The following FOXD1 variants were observed in gnomAD, a reference collection of about 807,000 sequenced individuals.
FOXD1 encodes forkhead box D1.
FOXD1 carries 4 observed loss-of-function variants against 2.0 expected under a neutral mutation model. The ratio of observed to expected loss-of-function variants is 2.03; its 90% confidence interval spans 1.00 to 4.64. The LOEUF (loss-of-function observed/expected upper bound fraction) is 4.64, where lower values mean the gene tolerates loss of function less well. Among genes scored for constraint, FOXD1 ranks in the 30% most tolerant of loss-of-function variants. FOXD1 has a pLI of 0.01. For synonymous variants in FOXD1, 354 were observed against 328.5 expected (o/e 1.08, Z -0.84); for missense variants, 586 against 647.6 (o/e 0.90, Z 1.03).
At position 73,448,428 on chromosome 5, in the gene FOXD1, C is replaced by T. The variant is rs1424689595; in HGVS notation, c.-66G>A. On this transcript the variant is annotated 5_prime_UTR_variant, in exon 1 of 1. Coordinates refer to ENST00000615637, the MANE Select transcript of FOXD1 (RefSeq NM_004472.3). ...CGGGCTCCGGGCTCCCTCTGCGCCCCAGCCCGGGTCCCGGGCGGCAGGCCC... is the reference window on the plus strand; with the variant it reads ...CGGGCTCCGGGCTCCCTCTGCGCCCTAGCCCGGGTCCCGGGCGGCAGGCCC... The T allele has an allele frequency of 2.9e-6, 3 of 1,029,752 alleles. No homozygotes were observed. The highest frequency in any genetic ancestry group is 3.5e-6 in the Non-Finnish European group (3 of 846,802). 63.8% of individuals were successfully genotyped at this position (1,029,752 alleles called of 1,614,324 possible).
chr5:73,447,108 C>A lies in FOXD1; in HGVS notation c.1255G>T (p.Ala419Ser). 7.6e-7 allele frequency: 1 copy of A among 1,320,466 alleles called. No homozygotes were observed. Among genetic ancestry groups the A allele is most frequent in the Non-Finnish European group, 9.7e-7 (1 of 1,035,406 alleles). 81.8% of individuals were successfully genotyped at this position (1,320,466 alleles called of 1,614,324 possible). A position where few individuals can be genotyped will look rare whatever the true frequency, so the allele number is the denominator to read the frequency against. ...GCAAQAAVGP[A>S]AALTRSLVAA... The stretch of plus-strand genomic sequence containing the variant: ...ACGAGGGATCGGGTGAGCGCGGCCG[C>A]CGGGCCCACGGCCGCCTGCGCCGCG... Residue 419 changes from alanine to serine, a missense_variant, in exon 1 of 1, where the codon GCG becomes TCG. Ala to Ser is a moderately conservative substitution (Grantham distance 99). Around this residue, in one of 4 missense-constraint regions of FOXD1, gnomAD observed 46 missense variants for 78.6 expected, o/e 0.58. Coordinates refer to ENST00000615637, the MANE Select transcript of FOXD1 (RefSeq NM_004472.3). This position sits in a 1 kb window ranked among gnomAD's most constrained non-coding sequence, Gnocchi z 7.8.
At position 73,447,421 on chromosome 5, in the gene FOXD1, T is replaced by C. The variant is rs1745523904; in HGVS notation, c.942A>G (p.Pro314=). The C allele has an allele frequency of 1.0e-6, 1 of 976,650 alleles. No individual in the cohort carries two copies. Among genetic ancestry groups the C allele is most frequent in the South Asian group, 4.6e-5 (1 of 21,876 alleles). 60.5% of individuals were successfully genotyped at this position (976,650 alleles called of 1,614,324 possible). ...FHPHSPPPPP[P]PHGAAAELAR... ...CCAGCTCGGCGGCCGCGCCGTGCGG[T>C]GGCGGGGGCGGCGGGGGCGAGTGCG... is the stretch of plus-strand genomic sequence containing the variant. Residue 314 remains proline, a synonymous_variant, in exon 1 of 1, where the codon CCA becomes CCG. Coordinates refer to ENST00000615637, the MANE Select transcript of FOXD1 (RefSeq NM_004472.3). This position sits in a 1 kb window ranked among gnomAD's most constrained non-coding sequence, Gnocchi z 7.8.
rs1366694440 is a variant in FOXD1 at position 73,446,673 on chromosome 5, T to C, written c.*292A>G. The C allele has an allele frequency of 2.8e-6, 1 of 354,482 alleles. No homozygotes were observed. Among genetic ancestry groups the C allele is most frequent in the African/African-American group, 2.2e-5 (1 of 45,260 alleles). The allele number at this position is 354,482 out of a possible 1,614,324, so 22.0% of individuals were successfully genotyped here. On this transcript the variant is annotated 3_prime_UTR_variant, in exon 1 of 1. Coordinates refer to ENST00000615637, the MANE Select transcript of FOXD1 (RefSeq NM_004472.3). The stretch of plus-strand genomic sequence containing the variant: ...ATCTGCCAAACGTCAAGGGAGCCTC[T>C]AGTGCCTGGACAGGGCGGACTCCCT...
Position 73,447,410 on chromosome 5 carries a change from G to C in FOXD1, c.953C>G (p.Ala318Gly). 1 of 982,888 alleles carries C rather than the reference G, an allele frequency of 1.0e-6. No individual in the cohort carries two copies. Among genetic ancestry groups the C allele is most frequent in the South Asian group, 4.5e-5 (1 of 22,126 alleles). The allele number at this position is 982,888 out of a possible 1,614,324, so 60.9% of individuals were successfully genotyped here. ...SPPPPPPPHG[A>G]AAELARTAFG... The stretch of plus-strand genomic sequence containing the variant: ...GGCGGTCCGGGCCAGCTCGGCGGCC[G>C]CGCCGTGCGGTGGCGGGGGCGGCGG... Residue 318 changes from alanine to glycine, a missense_variant, in exon 1 of 1, where the codon GCG (alanine) becomes GGG (glycine). Around this residue, in one of 4 missense-constraint regions of FOXD1, gnomAD observed 253 missense variants for 234.4 expected, o/e 1.08. Transcript: ENST00000615637. The surrounding 1 kb of genome is among the most constrained non-coding windows in gnomAD (Gnocchi z 7.8).
In FOXD1 at chr5:73,448,611, G is replaced by C. The variant is rs932607471; in HGVS notation, c.-249C>G. On this transcript the variant is annotated 5_prime_UTR_variant, in exon 1 of 1. Coordinates refer to ENST00000615637, the MANE Select transcript of FOXD1 (RefSeq NM_004472.3). ...CGCTCCCTGGGCTCCGCTCGCGCCC[G>C]GCCCGGGCGGAGGACTTGACCTTCT... The C allele has an allele frequency of 6.6e-6, 1 of 152,278 alleles. No homozygotes were observed. The highest frequency in any genetic ancestry group is 2.4e-5 in the African/African-American group (1 of 41,428). 9.4% of individuals were successfully genotyped at this position (152,278 alleles called of 1,614,324 possible).
Position 73,447,693 on chromosome 5 carries a change from G to T in FOXD1, c.670C>A (p.Gln224Lys). The T allele has an allele frequency of 6.2e-7, 1 of 1,604,316 alleles. No individual in the cohort carries two copies. The part of the protein sequence containing the change: ...FLRRRKRFKR[Q>K]PLLPPNAAAA... ...GCGGCGTTGGGTGGGAGCAGCGGCTGCCGCTTGAAGCGCTTCCTCCGGCGC... is the reference window on the plus strand; with the variant it reads ...GCGGCGTTGGGTGGGAGCAGCGGCTTCCGCTTGAAGCGCTTCCTCCGGCGC... Residue 224 changes from glutamine (Q) to lysine (K), a missense_variant, in exon 1 of 1, where the codon CAG becomes AAG. Gln to Lys is a moderately conservative substitution (Grantham distance 53). Coordinates refer to ENST00000615637, the MANE Select transcript of FOXD1 (RefSeq NM_004472.3). This position sits in a 1 kb window ranked among gnomAD's most constrained non-coding sequence, Gnocchi z 7.8.
chr5:73,447,725 C>G lies in FOXD1; in HGVS notation c.638G>C (p.Ser213Thr). Reference sequence around the variant, plus strand: ...GAAGCGCTTCCTCCGGCGCAGGAAGCTGCCGTTGTCGAACATGTCGGCGGA... The same window carrying G: ...GAAGCGCTTCCTCCGGCGCAGGAAGGTGCCGTTGTCGAACATGTCGGCGGA... Reference protein sequence around the residue: ...PESADMFDNGSFLRRRKRFKR... With the variant: ...PESADMFDNGTFLRRRKRFKR... Residue 213 changes from serine to threonine, a missense_variant, in exon 1 of 1, where the codon AGC (serine) becomes ACC (threonine). Coordinates refer to ENST00000615637, the MANE Select transcript of FOXD1 (RefSeq NM_004472.3). This position sits in a 1 kb window ranked among gnomAD's most constrained non-coding sequence, Gnocchi z 7.8. The G allele has an allele frequency of 1.2e-6, 2 of 1,610,272 alleles. No individual in the cohort carries two copies. The highest frequency in any genetic ancestry group is 1.7e-6 in the Non-Finnish European group (2 of 1,178,392).
chr5:73,447,947 A>T lies in FOXD1; in HGVS notation c.416T>A (p.Leu139Gln). 1 of 1,608,782 alleles carries T rather than the reference A, an allele frequency of 6.2e-7. No individual in the cohort carries two copies. The highest frequency in any genetic ancestry group is 8.5e-7 in the Non-Finnish European group (1 of 1,177,494). ...CGTCAGCCGCTTCTTGGGGCTCTGC[A>T]GGATGGCCATAGTGATGAGCGCGAT... ...SYIALITMAI[L>Q]QSPKKRLTLS... Residue 139 changes from leucine to glutamine, a missense_variant, in exon 1 of 1, where the codon CTG becomes CAG. Physicochemically the swap from Leu to Gln is moderately radical, Grantham distance 113. Transcript: ENST00000615637. This position sits in a 1 kb window ranked among gnomAD's most constrained non-coding sequence, Gnocchi z 7.8.
rs375200245 is a variant in FOXD1 at position 73,447,875 on chromosome 5, C to A, written c.488G>T (p.Arg163Leu). 7 of 1,611,532 alleles carry A rather than the reference C, an allele frequency of 4.3e-6. No individual in the cohort carries two copies. Among genetic ancestry groups the A allele is most frequent in the Non-Finnish European group, 5.9e-6 (7 of 1,178,934 alleles). The change falls in exon 1 of 1, where the codon CGG becomes CTG. Residue 163 changes from arginine to leucine, a missense_variant. By Grantham distance (102) the Arg-to-Leu change is moderately radical. Transcript: ENST00000615637. The surrounding 1 kb of genome is among the most constrained non-coding windows in gnomAD (Gnocchi z 7.8). ...GTTCTGCCAGGCGGGGAACTTCTCC[C>A]GGTAGTAGGGGAAGCGGCCGCTGAT... ...EFISGRFPYY[R>L]EKFPAWQNSI...
Position 73,447,407 on chromosome 5 carries a change from G to T in FOXD1, c.956C>A (p.Ala319Asp), listed in dbSNP as rs1422238804. The stretch of plus-strand genomic sequence containing the variant: ...GAAGGCGGTCCGGGCCAGCTCGGCG[G>T]CCGCGCCGTGCGGTGGCGGGGGCGG... ...PPPPPPPHGAAAELARTAFGY... is the reference protein window; with the variant it reads ...PPPPPPPHGADAELARTAFGY... The change falls in exon 1 of 1, where the codon GCC (alanine) becomes GAC (aspartate). Residue 319 changes from alanine to aspartate, a missense_variant. Physicochemically the swap from Ala to Asp is moderately radical, Grantham distance 126. Around this residue, in one of 4 missense-constraint regions of FOXD1, gnomAD observed 253 missense variants for 234.4 expected, o/e 1.08. Coordinates refer to ENST00000615637, the MANE Select transcript of FOXD1 (RefSeq NM_004472.3). The surrounding 1 kb of genome is among the most constrained non-coding windows in gnomAD (Gnocchi z 7.8). 4.1e-6 allele frequency: 4 copies of T among 982,746 alleles called. No individual in the cohort carries two copies. Among genetic ancestry groups the T allele is most frequent in the Non-Finnish European group, 3.6e-6 (3 of 829,674 alleles). 60.9% of individuals were successfully genotyped at this position (982,746 alleles called of 1,614,324 possible).
chr5:73,448,237 G>C lies in FOXD1; in HGVS notation c.126C>G (p.Gly42=). 6.8e-7 allele frequency: 1 copy of C among 1,480,106 alleles called. No homozygotes were observed. The highest frequency in any genetic ancestry group is 9.0e-7 in the Non-Finnish European group (1 of 1,108,914). The allele number at this position is 1,480,106 out of a possible 1,614,324, so 91.7% of individuals were successfully genotyped here. Residue 42 remains glycine (G), a synonymous_variant, in exon 1 of 1, where the codon GGC becomes GGG. Transcript: ENST00000615637. ...EEEDDDEGGG[G]GPRLAVPAQR... Reference sequence around the variant, plus strand: ...GCGCGGGGACAGCCAGCCGGGGCCCGCCACCGCCGCCCTCGTCGTCGTCCT... The same window carrying C: ...GCGCGGGGACAGCCAGCCGGGGCCCCCCACCGCCGCCCTCGTCGTCGTCCT...
chr5:73,448,194 G>A lies in FOXD1; in HGVS notation c.169C>T (p.Arg57Cys). 3.6e-6 allele frequency: 5 copies of A among 1,381,566 alleles called. No homozygotes were observed. Among genetic ancestry groups the A allele is most frequent in the Admixed American group, 2.8e-5 (1 of 35,422 alleles). 85.6% of individuals were successfully genotyped at this position (1,381,566 alleles called of 1,614,324 possible). ...AGCTCGTCCTCCCCGGCGTACGAGCGCCGCCGCCGCCGCCGCTGCGCGGGG... is the reference window on the plus strand; with the variant it reads ...AGCTCGTCCTCCCCGGCGTACGAGCACCGCCGCCGCCGCCGCTGCGCGGGG... ...AVPAQRRRRR[R>C]SYAGEDELED... The change falls in exon 1 of 1, where the codon CGC (arginine) becomes TGC (cysteine). Residue 57 changes from arginine to cysteine, a missense_variant. Transcript: ENST00000615637.
At position 73,448,132 on chromosome 5, in the gene FOXD1, G is replaced by C; in HGVS notation, c.231C>G (p.Ile77Met). Reference sequence around the variant, plus strand: ...AGCCCCCAGCAGGCGGGGCCAGCAGGATGTCATCGTCGTCCTCCTCCTCCT... The same window carrying C: ...AGCCCCCAGCAGGCGGGGCCAGCAGCATGTCATCGTCGTCCTCCTCCTCCT... ...DLEEEEDDDD[I>M]LLAPPAGGSP... The change falls in exon 1 of 1, where the codon ATC becomes ATG. Residue 77 changes from isoleucine (I) to methionine (M), a missense_variant. Ile to Met is a conservative substitution (Grantham distance 10). Around this residue, in one of 4 missense-constraint regions of FOXD1, gnomAD observed 183 missense variants for 159.2 expected, o/e 1.15. Coordinates refer to ENST00000615637, the MANE Select transcript of FOXD1 (RefSeq NM_004472.3). 1 of 1,364,166 alleles carries C rather than the reference G, an allele frequency of 7.3e-7. No homozygotes were observed. Among genetic ancestry groups the C allele is most frequent in the Non-Finnish European group, 9.5e-7 (1 of 1,050,142 alleles). The allele number at this position is 1,364,166 out of a possible 1,614,324, so 84.5% of individuals were successfully genotyped here.
Position 73,446,795 on chromosome 5 carries a change from G to A in FOXD1, c.*170C>T, listed in dbSNP as rs1359647651. On this transcript the variant is annotated 3_prime_UTR_variant, in exon 1 of 1. Coordinates refer to ENST00000615637, the MANE Select transcript of FOXD1 (RefSeq NM_004472.3). ...AATAGAGGGACCCGCAGAGCCAAAA[G>A]GCGCGCCCGGGCTGTTGACAGTTTT... The A allele has an allele frequency of 1.6e-6, 1 of 632,896 alleles. No individual in the cohort carries two copies. Among genetic ancestry groups the A allele is most frequent in the African/African-American group, 1.9e-5 (1 of 52,006 alleles). The allele number at this position is 632,896 out of a possible 1,614,324, so 39.2% of individuals were successfully genotyped here.
Position 73,447,630 on chromosome 5 carries a change from C to T in FOXD1, c.733G>A (p.Ala245Thr). ...GCTGCCGGGTCGCCCGCGCCCCCTGCGGCTCCCGCGCCGCGCAGCAGCAGA... is the reference window on the plus strand; with the variant it reads ...GCTGCCGGGTCGCCCGCGCCCCCTGTGGCTCCCGCGCCGCGCAGCAGCAGA... ...ESLLLRGAGA[A>T]GGAGDPAAAA... Residue 245 changes from alanine to threonine, a missense_variant, in exon 1 of 1, where the codon GCA becomes ACA. By Grantham distance (58) the Ala-to-Thr change is moderately conservative. Coordinates refer to ENST00000615637, the MANE Select transcript of FOXD1 (RefSeq NM_004472.3). The surrounding 1 kb of genome is among the most constrained non-coding windows in gnomAD (Gnocchi z 7.8). 26 of 1,381,386 alleles carry T rather than the reference C, an allele frequency of 1.9e-5. No homozygotes were observed. The highest frequency in any genetic ancestry group is 2.4e-5 in the Non-Finnish European group (26 of 1,068,340). The allele number at this position is 1,381,386 out of a possible 1,614,324, so 85.6% of individuals were successfully genotyped here. A position where few individuals can be genotyped will look rare whatever the true frequency, so the allele number is the denominator to read the frequency against.
Position 73,448,272 on chromosome 5 carries a change from C to T in FOXD1, c.91G>A (p.Glu31Lys), listed in dbSNP as rs1488406136. 1 of 1,475,640 alleles carries T rather than the reference C, an allele frequency of 6.8e-7. No individual in the cohort carries two copies. The highest frequency in any genetic ancestry group is 9.0e-7 in the Non-Finnish European group (1 of 1,105,598). The allele number at this position is 1,475,640 out of a possible 1,614,324, so 91.4% of individuals were successfully genotyped here. Residue 31 changes from glutamate (E) to lysine (K), a missense_variant, in exon 1 of 1, where the codon GAG becomes AAG. Transcript: ENST00000615637. ...CCCTCGTCGTCGTCCTCCTCTTCCT[C>T]GTCTTCTTCGTCCTCGCCCTCCCCC... ...VVGEGEDEED[E>K]EEEDDDEGGG...
Position 73,447,282 on chromosome 5 carries a change from G to A in FOXD1, c.1081C>T (p.Pro361Ser). 1.0e-6 allele frequency: 1 copy of A among 989,006 alleles called. No individual in the cohort carries two copies. Among genetic ancestry groups the A allele is most frequent in the East Asian group, 1.1e-4 (1 of 9,012 alleles). 61.3% of individuals were successfully genotyped at this position (989,006 alleles called of 1,614,324 possible). ...CCGATGATGCTCTCGATGGAGAAGG[G>A]CGAGCGCGCCAGCGCTGAGGCGCCC... ...GPGASALARS[P>S]FSIESIIGGS... Residue 361 changes from proline to serine, a missense_variant, in exon 1 of 1, where the codon CCC (proline) becomes TCC (serine). Pro to Ser is a moderately conservative substitution (Grantham distance 74). Coordinates refer to ENST00000615637, the MANE Select transcript of FOXD1 (RefSeq NM_004472.3). The surrounding 1 kb of genome is among the most constrained non-coding windows in gnomAD (Gnocchi z 7.8).
rs1446656948 is a variant in FOXD1 at position 73,446,739 on chromosome 5, G to A, written c.*226C>T. On this transcript the variant is annotated 3_prime_UTR_variant, in exon 1 of 1. Transcript: ENST00000615637. ...TCCTCCCTACCCCAGGTCGGGGGTTGGGGGGCTGTAGCATAGGTCGGCTTT... is the reference window on the plus strand; with the variant it reads ...TCCTCCCTACCCCAGGTCGGGGGTTAGGGGGCTGTAGCATAGGTCGGCTTT... The A allele has an allele frequency of 4.3e-6, 2 of 463,172 alleles. No individual in the cohort carries two copies. The highest frequency in any genetic ancestry group is 7.4e-5 in the Admixed American group (2 of 26,944). 28.7% of individuals were successfully genotyped at this position (463,172 alleles called of 1,614,324 possible). A position where few individuals can be genotyped will look rare whatever the true frequency, so the allele number is the denominator to read the frequency against.
At position 73,447,550 on chromosome 5, in the gene FOXD1, G is replaced by GT; in HGVS notation, c.812dup (p.Tyr271Ter). ...APPPPPHAYG[Y>*]GPYGCGYGLQ... ...GGCCGTAGCCGCAGCCGTAGGGGCC[G>GT]TAGCCGTAGGCATGCGGGGGCGGCG... Residue 271 changes from tyrosine to a stop codon, truncating the protein, a stop_gained and frameshift_variant, in exon 1 of 1, where the codon TAC (tyrosine) becomes TAAC (stop). Coordinates refer to ENST00000615637, the MANE Select transcript of FOXD1 (RefSeq NM_004472.3). LOFTEE classifies it low-confidence loss of function (END_TRUNC). The surrounding 1 kb of genome is among the most constrained non-coding windows in gnomAD (Gnocchi z 7.8). The GT allele has an allele frequency of 9.4e-7, 1 of 1,058,504 alleles. No individual in the cohort carries two copies. The highest frequency in any genetic ancestry group is 1.1e-6 in the Non-Finnish European group (1 of 877,100). The allele number at this position is 1,058,504 out of a possible 1,614,324, so 65.6% of individuals were successfully genotyped here.
Sources: allele counts gnomAD v4.1 joint callset, GRCh38; gene constraint gnomAD v4.1.1; regional missense constraint gnomAD v4.1.1; non-coding constraint Gnocchi (gnomAD v3.1); transcripts MANE v1.5; gene names NCBI Gene and HGNC (gene_info 2026-07-23, HGNC 2026-07-21).